Variants in CUX1 observed in about 807,000 individuals in gnomAD.
CUX1 encodes protein CASP.
CUX1 carries 31 observed loss-of-function variants against 158.8 expected under a neutral mutation model. The ratio of observed to expected loss-of-function variants is 0.20; its 90% CI spans 0.15 to 0.26. The LOEUF (loss-of-function observed/expected upper bound fraction) is 0.26. Ranked by LOEUF, CUX1 falls within the 10% of genes least tolerant of loss-of-function variation. The probability of loss-of-function intolerance (pLI) is 1.00; values close to 1 mark genes in which losing one functional copy is unlikely to be tolerated. For missense variants in CUX1, 1,589 were observed against 2,014.6 expected (o/e 0.79, Z 4.04); for synonymous variants, 879 against 862.1 (o/e 1.02, Z -0.34).
At chr7:101,857,428 A>G (rs1023746737) in intron 1 of CUX1, among the ~76,000 whole-genome samples, 2 of 152,230 alleles carry the variant, frequency 1.3e-5, no homozygotes, top group African/African-American at 2.4e-5. Flanking sequence ...TCTTACTTAC[A>G]TAGTCTGCTT....
rs1479234608 is a variant in CUX1, at chr7:101,887,103, T to A, written c.31-29012T>A. On this transcript the variant is annotated intron_variant, in intron 1 of 23. Transcript: ENST00000292535. ...AGTGCCGGACACTGCTGGGCGTTGT[T>A]GAGTCCTGGGCTGGCAGGGACAGTT... Among the ~76,000 whole-genome samples, 3 of 152,122 alleles carry A rather than the reference T, an allele frequency of 2.0e-5. No homozygotes were observed. In the East Asian group the frequency reaches 5.8e-4, roughly 29 times the overall value.
chr7:102,133,457 A>G (rs1362502483), intron 8 of CUX1, among the ~76,000 whole-genome samples: 2 of 151,402 alleles, frequency 1.3e-5, no homozygotes, highest in African/African-American at 2.4e-5. Flanking sequence ...GGACCCAGAA[A>G]AAAATACATC....
Position 102,255,964 on chromosome 7 carries a change from C to CAA in CUX1, c.*6924_*6925dup. 1.0e-6 allele frequency: 1 copy of CAA among 985,426 alleles called. No homozygotes were observed. Among genetic ancestry groups the CAA allele is most frequent in the Non-Finnish European group, 1.2e-6 (1 of 829,940 alleles). The allele number at this position is 985,426 out of a possible 1,614,324, so 61.0% of individuals were successfully genotyped here. A position where few individuals can be genotyped will look rare whatever the true frequency, so the allele number is the denominator to read the frequency against. ...TAACGTATTGCACACCAAATGAACTCAAAGTAAGCTTTAGACCAGGACGAT... is the reference window on the plus strand; with the variant it reads ...TAACGTATTGCACACCAAATGAACTCAAAAAGTAAGCTTTAGACCAGGACGAT... On this transcript the variant is annotated 3_prime_UTR_variant, in exon 24 of 24. Coordinates refer to ENST00000292535, the MANE Select transcript of CUX1 (RefSeq NM_181552.4).
At chr7:102,043,327 G>C (rs1455746466) in intron 3 of CUX1, among the ~76,000 whole-genome samples, 74 of 109,158 alleles carry the variant, frequency 6.8e-4, no homozygotes, top group African/African-American at 3.2e-3. Flanking sequence ...AGCTCACTGT[G>C]TGTGTGTGTG....
intron 5 of CUX1, among the ~76,000 whole-genome samples, chr7:102,101,870 C>T (rs1378950213): frequency 6.6e-6 from 1 of 151,656 alleles, no homozygotes; most frequent in East Asian, 1.9e-4. Context: ...CGAGATTGCG[C>T]CACTGCACTC....
intron 2 of CUX1, among the ~76,000 whole-genome samples, chr7:101,978,518 G>A (rs563782860): frequency 2.0e-5 from 3 of 152,328 alleles, no homozygotes; most frequent in Non-Finnish European, 4.4e-5. Context: ...CACCACTTCC[G>A]TTCTTGGCTG....
rs528131725 is a variant in CUX1 at position 102,200,659 on chromosome 7, C to T, written c.2062+487C>T. Among the ~76,000 whole-genome samples the T allele has an allele frequency of 2.0e-5, 3 of 151,224 alleles. No homozygotes were observed. In the East Asian group the frequency reaches 6.0e-4, roughly 30 times the overall value. ...CCTGGCCCCTAGTTGTAATTATTCA[C>T]AGAAATTACGCTCCTTAACTTTGAC... On this transcript the variant is annotated intron_variant, in intron 17 of 23. Coordinates refer to ENST00000292535, the MANE Select transcript of CUX1 (RefSeq NM_181552.4).
At chr7:102,041,256 C>CTT (rs11427183) in intron 3 of CUX1, among the ~76,000 whole-genome samples, 11,526 of 69,820 alleles carry the variant, frequency 0.17, 3,746 homozygotes, top group East Asian at 0.3. Flanking sequence ...CTTATCCATT[C>CTT]TTTTTTTTTT....
At chr7:101,847,803 C>T (rs1427629810) in intron 1 of CUX1, among the ~76,000 whole-genome samples, 1 of 151,866 alleles carries the variant, frequency 6.6e-6, no homozygotes, top group Non-Finnish European at 1.5e-5. Flanking sequence ...CATGGTGGCT[C>T]ATGCCTGTAA....
chr7:101,987,633 C>T (rs1814501048), intron 2 of CUX1, among the ~76,000 whole-genome samples: 2 of 152,204 alleles, frequency 1.3e-5, no homozygotes, highest in South Asian at 4.1e-4. Context: ...TTCTGTCTTC[C>T]ACATTAGAAG....
rs528570654 is a variant in CUX1 at position 101,869,861 on chromosome 7, C to A, written c.31-46254C>A. Among the ~76,000 whole-genome samples the A allele has an allele frequency of 4.6e-5, 7 of 152,290 alleles. No individual in the cohort carries two copies. Among genetic ancestry groups the A allele is most frequent in the African/African-American group, 1.7e-4 (7 of 41,548 alleles). On this transcript the variant is annotated intron_variant, in intron 1 of 23. Transcript: ENST00000292535. This position sits in a 1 kb window ranked among gnomAD's most constrained non-coding sequence, Gnocchi z 4.5. ...CAAATCTTAAATCCTCTTGTTAAGACGCGCTCCGCCCCTGTGTCCTTATTT... is the reference window on the plus strand; with the variant it reads ...CAAATCTTAAATCCTCTTGTTAAGAAGCGCTCCGCCCCTGTGTCCTTATTT...
At chr7:102,088,689 T>A (rs901204984) in intron 4 of CUX1, among the ~76,000 whole-genome samples, 37 of 152,248 alleles carry the variant, frequency 2.4e-4, no homozygotes, top group African/African-American at 8.2e-4. Context: ...TGGGTTCTGG[T>A]TTTTTCTCTC....
chr7:101,971,035 G>A (rs536454854), intron 2 of CUX1, among the ~76,000 whole-genome samples: 2 of 152,214 alleles, frequency 1.3e-5, no homozygotes, highest in African/African-American at 4.8e-5. Context: ...AGCTGAGCAC[G>A]TTCACATGTA....
At chr7:102,238,706 C>G (rs1462124555) in intron 22 of CUX1, among the ~76,000 whole-genome samples, 3 of 152,150 alleles carry the variant, frequency 2.0e-5, no homozygotes, top group Non-Finnish European at 4.4e-5. Flanking sequence ...CTTGCACTTA[C>G]TTACCCCCAC....
At chr7:102,246,605 T>C (rs1800840909) in intron 23 of CUX1, among the ~76,000 whole-genome samples, 2 of 151,630 alleles carry the variant, frequency 1.3e-5, no homozygotes, top group South Asian at 2.1e-4. Flanking sequence ...AGGATCTTGC[T>C]CTGTCGCCCA....
intron 10 of CUX1, among the ~76,000 whole-genome samples, chr7:102,176,815 C>T (rs1554512155): frequency 6.6e-6 from 1 of 151,886 alleles, no homozygotes; most frequent in African/African-American, 2.4e-5. Flanking sequence ...TCGGGTGATC[C>T]ACCCACCTCT....
intron 1 of CUX1, among the ~76,000 whole-genome samples, chr7:101,915,736 A>C (rs1486601449): frequency 6.6e-6 from 1 of 152,148 alleles, no homozygotes; most frequent in African/African-American, 2.4e-5. Context: ...AACCCTTGGG[A>C]AGAAGAGGCG....
intron 12 of CUX1, among the ~76,000 whole-genome samples, chr7:102,191,064 C>T (rs1347880320): frequency 2.0e-5 from 3 of 152,142 alleles, no homozygotes; most frequent in Admixed American, 2.0e-4. Context: ...TCGCCTGGGA[C>T]CCCCAGCCTC....
At chr7:102,150,683 A>G (rs1472139867) in intron 8 of CUX1, among the ~76,000 whole-genome samples, 1 of 152,210 alleles carries the variant, frequency 6.6e-6, no homozygotes. Flanking sequence ...TAGAATTTCC[A>G]GCGTGGATAT....
Sources: allele counts gnomAD v4.1 joint callset (sites outside exome capture counted in the v4.1 genomes callset), GRCh38; gene constraint gnomAD v4.1.1; non-coding constraint Gnocchi (gnomAD v3.1); transcripts MANE v1.5; gene names NCBI Gene and HGNC (gene_info 2026-07-23, HGNC 2026-07-21).